LINGO2: variants seen among roughly 807,000 people sequenced by gnomAD.
The protein encoded by LINGO2 is leucine-rich repeat and immunoglobulin-like domain-containing nogo receptor-interacting protein 2.
LINGO2 carries 14 observed loss-of-function variants against 30.6 expected under a neutral mutation model. That is an observed-to-expected ratio of 0.46 (90% CI 0.30 to 0.72). The LOEUF is 0.72. LINGO2 is among the 30% of genes least tolerant of loss of function. The pLI is 0.07. For synonymous variants in LINGO2, 317 were observed against 288.5 expected (o/e 1.10, Z -1.00); for missense variants, 729 against 751.7 (o/e 0.97, Z 0.35).
the LINGO2 span, among the ~76,000 whole-genome samples, chr9:29,047,289 A>G: frequency 6.6e-6 from 1 of 152,176 alleles, no homozygotes; most frequent in Non-Finnish European, 1.5e-5. Flanking sequence ...GCAGCAAACA[A>G]TCATATGAAA....
At chr9:28,744,442 G>C in the LINGO2 span, among the ~76,000 whole-genome samples, 1 of 151,888 alleles carries the variant, frequency 6.6e-6, no homozygotes, top group Non-Finnish European at 1.5e-5. Flanking sequence ...AAACAAACTT[G>C]CATGGTGTAT....
chr9:29,188,554 T>C, the LINGO2 span, among the ~76,000 whole-genome samples: 2 of 152,204 alleles, frequency 1.3e-5, no homozygotes, highest in South Asian at 2.1e-4. Context: ...AAAACCGCCA[T>C]TGTCATCATG....
the LINGO2 span, among the ~76,000 whole-genome samples, chr9:29,104,437 T>A: frequency 6.6e-6 from 1 of 152,068 alleles, no homozygotes; most frequent in Non-Finnish European, 1.5e-5. Context: ...CCACCACAAC[T>A]GTAAGTTTCC....
chr9:28,725,788 A>G, the LINGO2 span, among the ~76,000 whole-genome samples: 1 of 146,278 alleles, frequency 6.8e-6, no homozygotes, highest in African/African-American at 2.5e-5. Flanking sequence ...AATAAAGGAA[A>G]CTTAAAAATT....
chr9:28,991,100 G>A, the LINGO2 span, among the ~76,000 whole-genome samples: 5 of 152,268 alleles, frequency 3.3e-5, no homozygotes, highest in East Asian at 9.7e-4. Context: ...CAAAGGCAAA[G>A]AAGTTAAAAA....
chr9:28,003,635 G>T (rs1003899277), intron 5 of LINGO2, among the ~76,000 whole-genome samples: 1 of 151,960 alleles, frequency 6.6e-6, no homozygotes, highest in South Asian at 2.1e-4. Flanking sequence ...CTAATTTTTC[G>T]TATTTTTAGT....
chr9:27,961,554 A>C (rs1165824034), intron 5 of LINGO2, among the ~76,000 whole-genome samples: 1 of 152,196 alleles, frequency 6.6e-6, no homozygotes, highest in South Asian at 2.1e-4. Context: ...AATGATTTAC[A>C]AGGGGCTTAT....
intron 3 of LINGO2, among the ~76,000 whole-genome samples, chr9:28,366,154 T>G (rs757213627): frequency 9.9e-5 from 15 of 152,200 alleles, no homozygotes; most frequent in Non-Finnish European, 2.2e-4. Flanking sequence ...GCTACCATAT[T>G]AGTAACTACA....
At chr9:27,965,088 G>A (rs919676194) in intron 5 of LINGO2, among the ~76,000 whole-genome samples, 1 of 152,096 alleles carries the variant, frequency 6.6e-6, no homozygotes, top group African/African-American at 2.4e-5. Context: ...TTAGACAGAA[G>A]TCATGATGTG....
At chr9:29,103,415 G>A in the LINGO2 span, among the ~76,000 whole-genome samples, 2 of 151,882 alleles carry the variant, frequency 1.3e-5, no homozygotes, top group African/African-American at 4.8e-5. Flanking sequence ...CATTTTAATA[G>A]TTTTATTGGT....
the LINGO2 span, among the ~76,000 whole-genome samples, chr9:28,698,438 C>T: frequency 2.6e-5 from 4 of 151,942 alleles, no homozygotes; most frequent in Non-Finnish European, 5.9e-5. Flanking sequence ...ATTCTTCATT[C>T]AGTAATATCT....
At chr9:28,311,130 A>G (rs1464020560) in intron 3 of LINGO2, among the ~76,000 whole-genome samples, 5 of 152,136 alleles carry the variant, frequency 3.3e-5, no homozygotes, top group African/African-American at 1.2e-4. Flanking sequence ...ATCACATGTC[A>G]GCAGGTTCTG....
chr9:28,647,188 C>T (rs778471956), intron 1 of LINGO2, among the ~76,000 whole-genome samples: 6 of 152,002 alleles, frequency 3.9e-5, no homozygotes, highest in Admixed American at 2.0e-4. Flanking sequence ...AAAAATGATA[C>T]GTAGAGATAT....
intron 4 of LINGO2, among the ~76,000 whole-genome samples, chr9:28,040,197 T>C (rs1335421556): frequency 6.6e-6 from 1 of 152,220 alleles, no homozygotes; most frequent in Non-Finnish European, 1.5e-5. Flanking sequence ...GATTGATTCA[T>C]TAGAAGCTAG....
chr9:28,790,325 C>CTTTCTTTTTTTTTTTTTTTTTTTTTTTT, the LINGO2 span, among the ~76,000 whole-genome samples: 11 of 106,268 alleles, frequency 1.0e-4, 1 homozygote, highest in African/African-American at 3.9e-4. Context: ...TCTTTTCTTT[C>CTTTCTTTTTTTTTTTTTTTTTTTTTTTT]TTTTTTTTTT....
intron 4 of LINGO2, among the ~76,000 whole-genome samples, chr9:28,018,969 TC>T (rs1822978124): frequency 6.6e-6 from 1 of 152,174 alleles, no homozygotes; most frequent in South Asian, 2.1e-4. Flanking sequence ...TAAGATCATG[TC>T]CTTTGCAGCA....
the LINGO2 span, among the ~76,000 whole-genome samples, chr9:28,985,991 G>C: frequency 6.6e-6 from 1 of 151,932 alleles, no homozygotes; most frequent in African/African-American, 2.4e-5. Flanking sequence ...TACAGATTCT[G>C]GTATTACAAT....
At chr9:28,304,805 G>C (rs940901832) in intron 3 of LINGO2, among the ~76,000 whole-genome samples, 1 of 151,974 alleles carries the variant, frequency 6.6e-6, no homozygotes, top group African/African-American at 2.4e-5. Flanking sequence ...CTAACTCAAA[G>C]TAGCATGGAG....
At chr9:29,208,693 T>C in the LINGO2 span, among the ~76,000 whole-genome samples, 1 of 152,166 alleles carries the variant, frequency 6.6e-6, no homozygotes, top group African/African-American at 2.4e-5. Context: ...CTGTTATCAA[T>C]TTTTAAACAT....
Sources: allele counts gnomAD v4.1 joint callset (sites outside exome capture counted in the v4.1 genomes callset), GRCh38; gene constraint gnomAD v4.1.1; transcripts MANE v1.5; gene names NCBI Gene and HGNC (gene_info 2026-07-23, HGNC 2026-07-21).